C8orf74: variants seen among roughly 807,000 people sequenced by gnomAD.
The protein encoded by C8orf74 is chromosome 8 open reading frame 74, also known as uncharacterized protein C8orf74.
A neutral mutation model predicts 22.2 loss-of-function variants in C8orf74; 29 were observed. That is an observed-to-expected ratio of 1.31 (90% CI 0.97 to 1.78). The LOEUF (loss-of-function observed/expected upper bound fraction) is 1.78. Ranked by LOEUF, C8orf74 falls within the 40% of genes most tolerant of loss-of-function variation. The pLI is 0.00. For missense variants in C8orf74, 515 were observed against 369.9 expected, an observed-to-expected ratio of 1.39 and a Z score of -3.22; for synonymous variants, 255 against 163.1, an observed-to-expected ratio of 1.56 and a Z score of -4.30.
chr8:10,697,957 G>T lies in C8orf74; in HGVS notation c.600G>T (p.Ala200=), dbSNP rs1323676206. The part of the protein sequence containing the change: ...RLERENSLQK[A]FAAAAPAQPG... ...AGCGGGAGAACTCGCTGCAGAAGGC[G>T]TTCGCTGCCGCCGCGCCTGCGCAGC... is the stretch of plus-strand genomic sequence containing the variant. Residue 200 remains alanine (A), a synonymous_variant, in exon 3 of 4, where the codon GCG becomes GCT. Transcript: ENST00000304519. 1.3e-6 allele frequency: 2 copies of T among 1,546,646 alleles called. No individual in the cohort carries two copies. The highest frequency in any genetic ancestry group is 1.7e-6 in the Non-Finnish European group (2 of 1,149,358).
At chr8:10,694,415 G>A (rs113874832) in intron 2 of C8orf74, among the ~76,000 whole-genome samples, 1 of 152,118 alleles carries the variant, frequency 6.6e-6, no homozygotes, top group South Asian at 2.1e-4. Flanking sequence ...CTGGGAGAAA[G>A]ATCCGTTCCT....
rs149597169 is a variant in C8orf74, at chr8:10,697,972, G to A, written c.615G>A (p.Ala205=). ...TGCAGAAGGCGTTCGCTGCCGCCGC[G>A]CCTGCGCAGCCCGGCCAGGTCCTGG... The part of the protein sequence containing the change: ...NSLQKAFAAA[A]PAQPGQVLER... Residue 205 remains alanine (A), a synonymous_variant, in exon 3 of 4, where the codon GCG becomes GCA. Transcript: ENST00000304519. 5 of 1,518,270 alleles carry A rather than the reference G, an allele frequency of 3.3e-6. No homozygotes were observed. In the African/African-American group the frequency reaches 5.5e-5, roughly 17 times the overall value. The allele number at this position is 1,518,270 out of a possible 1,614,324, so 94.0% of individuals were successfully genotyped here. A position where few individuals can be genotyped will look rare whatever the true frequency, so the allele number is the denominator to read the frequency against.
At chr8:10,696,130 C>T (rs1799492138) in intron 2 of C8orf74, among the ~76,000 whole-genome samples, 1 of 151,984 alleles carries the variant, frequency 6.6e-6, no homozygotes, top group Admixed American at 6.6e-5. Context: ...TCAGTCACGA[C>T]CCTTCATGAA....
chr8:10,700,302 G>A lies in C8orf74; in HGVS notation c.716G>A (p.Arg239His), dbSNP rs368576265. Residue 239 changes from arginine (R) to histidine (H), a missense_variant, in exon 4 of 4, where the codon CGC becomes CAC. Physicochemically the swap from Arg to His is conservative, Grantham distance 29. Transcript: ENST00000304519. ...GAGCTCCTGCAGGAGCTGCTGCAGC[G>A]CCAGATCCAGAACACATTCGCCATC... is the stretch of plus-strand genomic sequence containing the variant. ...QMELLQELLQ[R>H]QIQNTFAILD... 52 of 1,613,628 alleles carry A rather than the reference G, an allele frequency of 3.2e-5. No individual in the cohort carries two copies. The highest frequency in any genetic ancestry group is 1.7e-4 in the African/African-American group (13 of 75,002).
chr8:10,676,119 T>A (rs1423291957), intron 2 of C8orf74, among the ~76,000 whole-genome samples: 3 of 152,228 alleles, frequency 2.0e-5, no homozygotes, highest in African/African-American at 7.2e-5. Flanking sequence ...GAAGAGTTTC[T>A]TTCTACTATT....
chr8:10,674,631 T>G lies in C8orf74; in HGVS notation c.49-15T>G, dbSNP rs769930343. 65 of 1,559,000 alleles carry G rather than the reference T, an allele frequency of 4.2e-5. No individual in the cohort carries two copies. Among genetic ancestry groups the G allele is most frequent in the Non-Finnish European group, 5.3e-5 (61 of 1,147,872 alleles). The stretch of plus-strand genomic sequence containing the variant: ...CCCACATCATACCCTGCAGTTCCCA[T>G]GTCATTCCCTGCAGAGACCACAAGG... On this transcript the variant is annotated splice_polypyrimidine_tract_variant and intron_variant, in intron 1 of 3. Coordinates refer to ENST00000304519, the MANE Select transcript of C8orf74 (RefSeq NM_001040032.2).
At chr8:10,681,857 T>C (rs1011650181) in intron 2 of C8orf74, among the ~76,000 whole-genome samples, 8 of 152,122 alleles carry the variant, frequency 5.3e-5, no homozygotes, top group African/African-American at 1.9e-4. Context: ...GTGAAGAGCG[T>C]CATGGTCCTG....
chr8:10,684,391 G>T (rs1046513473), intron 2 of C8orf74, among the ~76,000 whole-genome samples: 1 of 152,326 alleles, frequency 6.6e-6, no homozygotes, highest in South Asian at 2.1e-4. Context: ...CAGGTAGGGG[G>T]ACCATTATGG....
At chr8:10,676,362 C>A (rs1180899017) in intron 2 of C8orf74, among the ~76,000 whole-genome samples, 9 of 152,158 alleles carry the variant, frequency 5.9e-5, no homozygotes, top group Non-Finnish European at 1.5e-5. Flanking sequence ...ATGTCCTTCT[C>A]TAACCTCACC....
chr8:10,690,940 C>G (rs1799367802), intron 2 of C8orf74: 1 of 456,124 alleles, frequency 2.2e-6, no homozygotes, highest in Non-Finnish European at 4.4e-6. Flanking sequence ...GAGGGCCACT[C>G]CCTGTTATTG....
intron 2 of C8orf74, among the ~76,000 whole-genome samples, chr8:10,681,035 T>C (rs1184703833): frequency 6.6e-6 from 1 of 151,074 alleles, no homozygotes; most frequent in Non-Finnish European, 1.5e-5. Flanking sequence ...ATGGTTGCAT[T>C]GTGTTTGCAT....
chr8:10,692,660 C>T (rs1286704206), intron 2 of C8orf74: 1 of 151,512 alleles, frequency 6.6e-6, no homozygotes, highest in African/African-American at 2.5e-5. Context: ...GCATGCACCA[C>T]CATGCTGGCT....
At chr8:10,693,952 C>T (rs35600556) in intron 2 of C8orf74, among the ~76,000 whole-genome samples, 4,408 of 152,312 alleles carry the variant, frequency 0.029, 81 homozygotes, top group Middle Eastern at 0.051. Context: ...TAGGTGCCAA[C>T]GACAACAAGC....
At chr8:10,682,492 C>A (rs978550004) in intron 2 of C8orf74, among the ~76,000 whole-genome samples, 17 of 152,200 alleles carry the variant, frequency 1.1e-4, no homozygotes, top group Non-Finnish European at 7.3e-5. Flanking sequence ...GGACATCCGC[C>A]TTCTCCCCAC....
At chr8:10,691,013 A>C (rs1799369588) in intron 2 of C8orf74, 1 of 445,512 alleles carries the variant, frequency 2.2e-6, no homozygotes, top group South Asian at 1.6e-5. Flanking sequence ...CTGAGACTTA[A>C]TCCCTCCACT....
At chr8:10,696,441 CTTTTTTTTTTTT>C (rs546082377) in intron 2 of C8orf74, among the ~76,000 whole-genome samples, 1 of 102,442 alleles carries the variant, frequency 9.8e-6, no homozygotes, top group East Asian at 2.7e-4. Flanking sequence ...CTTTTCTTTT[CTTTTTTTTTTTT>C]TTTTTTTTTT....
At chr8:10,692,579 G>T (rs1208706683) in intron 2 of C8orf74, 2 of 152,214 alleles carry the variant, frequency 1.3e-5, no homozygotes, top group African/African-American at 2.4e-5. Flanking sequence ...GCAGTGGCAC[G>T]ATCTGTAGCC....
intron 3 of C8orf74, 54 bp downstream of exon 3, chr8:10,698,059 G>A: frequency 1.4e-6 from 2 of 1,430,422 alleles, no homozygotes; most frequent in Non-Finnish European, 1.8e-6. Context: ...AGAGACACCA[G>A]CCAGGGCTGG....
Position 10,674,861 on chromosome 8 carries a change from G to A in C8orf74, c.241+23G>A, listed in dbSNP as rs201819660. The A allele has an allele frequency of 2.2e-3, 3,389 of 1,564,994 alleles. 10 individuals carry two copies. The highest frequency in any genetic ancestry group is 1.9e-3 in the Non-Finnish European group (2,182 of 1,153,294). ...AAGGTATGGTGTGTCCAGGGCAGGAGTCAGCAGAGGCTGGCGGGATGGGGT... is the reference window on the plus strand; with the variant it reads ...AAGGTATGGTGTGTCCAGGGCAGGAATCAGCAGAGGCTGGCGGGATGGGGT... On this transcript the variant is annotated intron_variant, in intron 2 of 3. Coordinates refer to ENST00000304519, the MANE Select transcript of C8orf74 (RefSeq NM_001040032.2).
Sources: gnomAD v4.1 joint callset for allele counts (sites outside exome capture counted in the v4.1 genomes callset) on GRCh38, gnomAD v4.1.1 for gene constraint, MANE v1.5 for transcripts, NCBI Gene and HGNC (gene_info 2026-07-23, HGNC 2026-07-21) for gene names.